KIF17: variants seen among roughly 807,000 people sequenced by gnomAD.
The protein encoded by KIF17 is kinesin-like protein KIF17.
In KIF17, 80 loss-of-function variants were observed where a neutral mutation model predicts 96.8. The observed-to-expected ratio is 0.83, with a 90% CI of 0.69 to 1.00. The LOEUF (loss-of-function observed/expected upper bound fraction) is 1.00. Ranked by LOEUF, KIF17 falls within the 50% of genes least tolerant of loss-of-function variation. The pLI is 0.00. For synonymous variants in KIF17, 567 were observed against 587.5 expected, an observed-to-expected ratio of 0.97 and a Z score of 0.51; for missense variants, 1,280 against 1,372.9, an observed-to-expected ratio of 0.93 and a Z score of 1.07.
rs565879237 is a variant in KIF17 at position 20,664,953 on chromosome 1, T to G, written c.2909-191A>C. On this transcript the variant is annotated intron_variant, in intron 14 of 14. Coordinates refer to ENST00000400463, the MANE Select transcript of KIF17 (RefSeq NM_001122819.3). ...TGGCTGAGGTCTCAGACCCAGCAAC[T>G]ATGTCTGCATCCAAAGAGGCTGGGC... Among the ~76,000 whole-genome samples, 8 of 151,568 alleles carry G rather than the reference T, an allele frequency of 5.3e-5. No individual in the cohort carries two copies. In the South Asian group the frequency reaches 1.7e-3, roughly 32 times the overall value.
Position 20,682,714 on chromosome 1 carries a change from T to C in KIF17, c.2402A>G (p.Tyr801Cys), listed in dbSNP as rs766248541. Residue 801 changes from tyrosine to cysteine, a missense_variant, in exon 11 of 15, where the codon TAC becomes TGC. Tyr to Cys is a radical substitution (Grantham distance 194). Coordinates refer to ENST00000400463, the MANE Select transcript of KIF17 (RefSeq NM_001122819.3). ...CCGCACTTCCTCCTGGATGGAGTCG[T>C]AGACGTTAAGCAGCACCCAGTCCCC... ...DSGDWVLLNV[Y>C]DSIQEEVRAK... is the part of the protein sequence containing the mutation. 5 of 1,613,894 alleles carry C rather than the reference T, an allele frequency of 3.1e-6. No individual in the cohort carries two copies. Among genetic ancestry groups the C allele is most frequent in the South Asian group, 1.1e-5 (1 of 91,088 alleles).
Position 20,672,346 on chromosome 1 carries a change from G to T in KIF17, c.2464-150C>A, listed in dbSNP as rs1347794291. ...CATTCTCATCCCCACCATCCATCCA[G>T]CCATCCTTCCCTCCATCCATCCATC... On this transcript the variant is annotated intron_variant, in intron 11 of 14. Coordinates refer to ENST00000400463, the MANE Select transcript of KIF17 (RefSeq NM_001122819.3). This position sits in a 1 kb window ranked among gnomAD's most constrained non-coding sequence, Gnocchi z 4.3. 5 of 986,720 alleles carry T rather than the reference G, an allele frequency of 5.1e-6. No homozygotes were observed. Among genetic ancestry groups the T allele is most frequent in the South Asian group, 1.4e-5 (1 of 71,224 alleles). 61.1% of individuals were successfully genotyped at this position (986,720 alleles called of 1,614,324 possible). A position where few individuals can be genotyped will look rare whatever the true frequency, so the allele number is the denominator to read the frequency against.
In KIF17 at chr1:20,664,390, C is replaced by A. The variant is rs996472122; in HGVS notation, c.*194G>T. On this transcript the variant is annotated 3_prime_UTR_variant, in exon 15 of 15. Coordinates refer to ENST00000400463, the MANE Select transcript of KIF17 (RefSeq NM_001122819.3). ...CTCTCTAAGGAGGACTATACAGCCTCCGAGGGGCTCCTGCCCAGGGCGGAG... is the reference window on the plus strand; with the variant it reads ...CTCTCTAAGGAGGACTATACAGCCTACGAGGGGCTCCTGCCCAGGGCGGAG... The A allele has an allele frequency of 1.4e-5, 21 of 1,481,644 alleles. No homozygotes were observed. Among genetic ancestry groups the A allele is most frequent in the Non-Finnish European group, 1.9e-5 (21 of 1,120,444 alleles). The allele number at this position is 1,481,644 out of a possible 1,614,324, so 91.8% of individuals were successfully genotyped here. A position where few individuals can be genotyped will look rare whatever the true frequency, so the allele number is the denominator to read the frequency against.
intron 5 of KIF17, among the ~76,000 whole-genome samples, chr1:20,703,280 G>A (rs923848954): frequency 2.0e-5 from 3 of 152,134 alleles, no homozygotes; most frequent in African/African-American, 7.2e-5. Flanking sequence ...TCGATGAATA[G>A]ATGGATGCAT....
rs890293536 is a variant in KIF17, at chr1:20,700,106, C to G, written c.1124-1618G>C. ...TGTTTTTTGAGACGGGGTCTTTGCT[C>G]TGTCGCCTAGGCTAGATGCAATCGT... On this transcript the variant is annotated intron_variant, in intron 5 of 14. Coordinates refer to ENST00000400463, the MANE Select transcript of KIF17 (RefSeq NM_001122819.3). This position sits in a 1 kb window ranked among gnomAD's most constrained non-coding sequence, Gnocchi z 4.6. Among the ~76,000 whole-genome samples, 17 of 152,232 alleles carry G rather than the reference C, an allele frequency of 1.1e-4. No individual in the cohort carries two copies. The highest frequency in any genetic ancestry group is 4.1e-4 in the African/African-American group (17 of 41,552).
At position 20,687,688 on chromosome 1, in the gene KIF17, T is replaced by C. The variant is rs1301652469; in HGVS notation, c.1638A>G (p.Glu546=). Residue 546 remains glutamate (E), a synonymous_variant, in exon 8 of 15, where the codon GAA becomes GAG. Transcript: ENST00000400463. The surrounding 1 kb of genome is among the most constrained non-coding windows in gnomAD (Gnocchi z 4.4). The part of the protein sequence containing the change: ...LGSSESSSLE[E]TSVSEAFPGP... ...CAGGGAAAGCCTCGGACACAGAGGTTTCTTCGAGCGAGGATGACTCACTGG... is the reference window on the plus strand; with the variant it reads ...CAGGGAAAGCCTCGGACACAGAGGTCTCTTCGAGCGAGGATGACTCACTGG... 2 of 1,614,176 alleles carry C rather than the reference T, an allele frequency of 1.2e-6. No homozygotes were observed. Among genetic ancestry groups the C allele is most frequent in the Non-Finnish European group, 1.7e-6 (2 of 1,180,030 alleles).
At chr1:20,678,824 A>G (rs56088911) in intron 11 of KIF17, among the ~76,000 whole-genome samples, 3 of 152,004 alleles carry the variant, frequency 2.0e-5, no homozygotes, top group Admixed American at 1.3e-4. Context: ...GGACCAGAGG[A>G]GTTAGTCTCC....
rs536528237 is a variant in KIF17, at chr1:20,665,258, T to C, written c.2909-496A>G. ...TTTTTTTTTTTTTTAGAAAAAGTCT[T>C]ACTCTGTCACCCAGGCTGGAGTGCA... On this transcript the variant is annotated intron_variant, in intron 14 of 14. Coordinates refer to ENST00000400463, the MANE Select transcript of KIF17 (RefSeq NM_001122819.3). Among the ~76,000 whole-genome samples, 624 of 144,022 alleles carry C rather than the reference T, an allele frequency of 4.3e-3. 7 individuals carry two copies. Among genetic ancestry groups the C allele is most frequent in the Non-Finnish European group, 7.0e-3 (464 of 65,852 alleles). The allele number at this position is 144,022 out of a possible 152,430, so 94.5% of individuals were successfully genotyped here.
chr1:20,666,352 G>A (rs1481039818), intron 13 of KIF17, 21 bp from the exon 14 acceptor site: 17 of 1,568,398 alleles, frequency 1.1e-5, no homozygotes, highest in South Asian at 2.2e-5. Context: ...GCAGATGCCC[G>A]TGGTCACGTC....
rs575884120 is a variant in KIF17 at position 20,704,905 on chromosome 1, C to G, written c.671-6G>C. On this transcript the variant is annotated splice_polypyrimidine_tract_variant and splice_region_variant and intron_variant, in intron 4 of 14. Coordinates refer to ENST00000400463, the MANE Select transcript of KIF17 (RefSeq NM_001122819.3). This position sits in a 1 kb window ranked among gnomAD's most constrained non-coding sequence, Gnocchi z 6.8. ...GTGGTCCTTGCCCCGCTCATCTGCA[C>G]ACAGACCAGGCAAAGTGGCGAGGGC... 6.3e-7 allele frequency: 1 copy of G among 1,599,418 alleles called. No homozygotes were observed. Among genetic ancestry groups the G allele is most frequent in the African/African-American group, 1.3e-5 (1 of 75,058 alleles).
chr1:20,695,309 GC>G (rs1381125050), intron 6 of KIF17, among the ~76,000 whole-genome samples: 2 of 151,950 alleles, frequency 1.3e-5, no homozygotes, highest in Non-Finnish European at 2.9e-5. Flanking sequence ...TGCCTCAGTC[GC>G]CCAAGTAGCT....
chr1:20,712,953 C>A (rs1421976448), intron 3 of KIF17, among the ~76,000 whole-genome samples: 18 of 122,752 alleles, frequency 1.5e-4, no homozygotes, highest in African/African-American at 4.8e-4. Flanking sequence ...TCTATATTAT[C>A]TATATTATAT....
chr1:20,679,242 G>T (rs144569659), intron 11 of KIF17, among the ~76,000 whole-genome samples: 2 of 151,966 alleles, frequency 1.3e-5, no homozygotes, highest in Non-Finnish European at 1.5e-5. Flanking sequence ...GACAGCCAGC[G>T]TAACACAGCA....
In KIF17 at chr1:20,686,074, T is replaced by C. The variant is rs1420708527; in HGVS notation, c.1991A>G (p.Glu664Gly). 5.8e-6 allele frequency: 9 copies of C among 1,562,016 alleles called. No individual in the cohort carries two copies. The highest frequency in any genetic ancestry group is 7.8e-6 in the Non-Finnish European group (9 of 1,152,808). The change falls in exon 9 of 15, where the codon GAG becomes GGG. Residue 664 changes from glutamate (E) to glycine (G), a missense_variant. By Grantham distance (98) the Glu-to-Gly change is moderately conservative. Transcript: ENST00000400463. ...LEPSDARPEA[E>G]AADDFPPRPE... ...CCTGGGCGGGAAGTCATCAGCCGCC[T>C]CGGCTTCGGGCCTGGCATCACTGGG...
At chr1:20,702,101 A>G (rs910414397) in intron 5 of KIF17, among the ~76,000 whole-genome samples, 1 of 152,160 alleles carries the variant, frequency 6.6e-6, no homozygotes, top group Non-Finnish European at 1.5e-5. Flanking sequence ...GAGCCCACAC[A>G]TGCATGACCT....
chr1:20,662,287 G>C (rs1377532456), downstream of KIF17, among the ~76,000 whole-genome samples: 1 of 152,154 alleles, frequency 6.6e-6, no homozygotes, highest in East Asian at 1.9e-4. Context: ...TCTCAGACCT[G>C]CCTTTGTCCA....
At chr1:20,680,478 G>A (rs575495774) in intron 11 of KIF17, among the ~76,000 whole-genome samples, 6 of 152,306 alleles carry the variant, frequency 3.9e-5, no homozygotes, top group African/African-American at 1.2e-4. Context: ...TTGGAAGGCC[G>A]AGGCGGGAGG....
In KIF17 at chr1:20,669,490, C is replaced by T. The variant is rs187533446; in HGVS notation, c.2790+931G>A. Among the ~76,000 whole-genome samples the T allele has an allele frequency of 6.2e-4, 93 of 149,574 alleles. 1 individual carries two copies. The East Asian group carries it at 0.017, about 27-fold the overall frequency. On this transcript the variant is annotated intron_variant, in intron 13 of 14. Transcript: ENST00000400463. ...GGCAGAGCTTTCAGTGAGCCGAGAT[C>T]GCACCACTGCACTCTAGCATGGGCG...
In KIF17 at chr1:20,685,071, C is replaced by T. The variant is rs1466083324; in HGVS notation, c.2020-51G>A. On this transcript the variant is annotated intron_variant, in intron 9 of 14. Transcript: ENST00000400463. This position sits in a 1 kb window ranked among gnomAD's most constrained non-coding sequence, Gnocchi z 4.1. Reference sequence around the variant, plus strand: ...GAGGTGGGAAGGCCGCCCCAACCCCCGCCGACAGCTCCCAGGTGGCTCAAT... The same window carrying T: ...GAGGTGGGAAGGCCGCCCCAACCCCTGCCGACAGCTCCCAGGTGGCTCAAT... 24 of 1,453,450 alleles carry T rather than the reference C, an allele frequency of 1.7e-5. No homozygotes were observed. Among genetic ancestry groups the T allele is most frequent in the Admixed American group, 1.2e-4 (6 of 51,030 alleles). The allele number at this position is 1,453,450 out of a possible 1,614,324, so 90.0% of individuals were successfully genotyped here.
Sources: allele counts gnomAD v4.1 joint callset (sites outside exome capture counted in the v4.1 genomes callset), GRCh38; gene constraint gnomAD v4.1.1; non-coding constraint Gnocchi (gnomAD v3.1); transcripts MANE v1.5; gene names NCBI Gene and HGNC (gene_info 2026-07-23, HGNC 2026-07-21).